Variants in STX8 observed in about 807,000 individuals in gnomAD.
STX8 encodes the protein syntaxin 8, also known as syntaxin-8.
A neutral mutation model predicts 37.5 loss-of-function variants in STX8; 23 were observed. The observed-to-expected ratio is 0.61, with a 90% CI of 0.44 to 0.87. The LOEUF (loss-of-function observed/expected upper bound fraction) is 0.87. Among genes scored for constraint, STX8 ranks in the 40% least tolerant of loss-of-function variants. The probability of loss-of-function intolerance (pLI) is 0.00; values close to 1 mark genes in which losing one functional copy is unlikely to be tolerated. For missense variants in STX8, 313 were observed against 284.7 expected (o/e 1.10, Z -0.71); for synonymous variants, 115 against 99.1 (o/e 1.16, Z -0.95).
chr17:9,327,728 T>G (rs1909826071), intron 7 of STX8, among the ~76,000 whole-genome samples: 1 of 152,144 alleles, frequency 6.6e-6, no homozygotes, highest in South Asian at 2.1e-4. Flanking sequence ...CAAGCTGCAG[T>G]GCAGTGGTGC....
At chr17:9,377,974 G>A (rs903891188) in intron 7 of STX8, 1 of 152,652 alleles carries the variant, frequency 6.6e-6, no homozygotes, top group African/African-American at 2.4e-5. Context: ...ACCTGCAGCA[G>A]AACTGCTTGG....
intron 7 of STX8, among the ~76,000 whole-genome samples, chr17:9,302,930 C>T (rs549793017): frequency 6.7e-6 from 1 of 149,246 alleles, no homozygotes; most frequent in South Asian, 2.1e-4. Flanking sequence ...TCTCAGAACT[C>T]ACAGAATTGG....
intron 7 of STX8, among the ~76,000 whole-genome samples, chr17:9,360,227 C>CTTTTTTTTTTTTTTTT (rs58213453): frequency 9.6e-5 from 7 of 72,610 alleles, no homozygotes; most frequent in African/African-American, 3.7e-4. Flanking sequence ...AATTAACCGT[C>CTTTTTTTTTTTTTTTT]TTTTTTTTTT....
intron 4 of STX8, 109 bp downstream of exon 4, chr17:9,545,063 T>C (rs1216998197): frequency 1.8e-5 from 12 of 675,362 alleles, no homozygotes; most frequent in East Asian, 7.9e-5. Flanking sequence ...CATAAATGAA[T>C]AGAATAGATT....
At chr17:9,495,908 A>C (rs1904380520) in intron 5 of STX8, among the ~76,000 whole-genome samples, 1 of 152,150 alleles carries the variant, frequency 6.6e-6, no homozygotes, top group South Asian at 2.1e-4. Context: ...AGAACCATGC[A>C]TGGGCATGGT....
At chr17:9,272,127 C>T (rs1057399781) in intron 7 of STX8, among the ~76,000 whole-genome samples, 5 of 152,304 alleles carry the variant, frequency 3.3e-5, no homozygotes, top group African/African-American at 9.6e-5. Flanking sequence ...TTGACAAAGA[C>T]GGTTCTGTTC....
chr17:9,382,171 TCACACACACA>T (rs57809204), intron 6 of STX8, among the ~76,000 whole-genome samples: 102 of 147,070 alleles, frequency 6.9e-4, no homozygotes, highest in African/African-American at 2.3e-3. Flanking sequence ...AAGAAAACAC[TCACACACACA>T]CACACACACA....
At chr17:9,266,280 A>G (rs545815835) in intron 7 of STX8, among the ~76,000 whole-genome samples, 28 of 152,316 alleles carry the variant, frequency 1.8e-4, no homozygotes, top group Admixed American at 7.8e-4. Flanking sequence ...GGGGTGCCCC[A>G]GCCAGCGCAC....
intron 7 of STX8, among the ~76,000 whole-genome samples, chr17:9,321,082 A>G (rs1474971499): frequency 6.6e-6 from 1 of 152,164 alleles, no homozygotes; most frequent in Non-Finnish European, 1.5e-5. Context: ...TCAGTGATAC[A>G]GGAAAAGGAA....
At chr17:9,460,689 C>A (rs8069025) in intron 6 of STX8, among the ~76,000 whole-genome samples, 34,205 of 96,660 alleles carry the variant, frequency 0.35, 5,065 homozygotes, top group African/African-American at 0.4. Context: ...AAAAAAAAAA[C>A]AAAACAAAAC....
intron 6 of STX8, among the ~76,000 whole-genome samples, chr17:9,437,331 G>C (rs1307239231): frequency 6.6e-6 from 1 of 152,130 alleles, no homozygotes; most frequent in Non-Finnish European, 1.5e-5. Flanking sequence ...TTAACAAGAG[G>C]ATTCACTCGT....
chr17:9,486,974 G>A (rs1031115216), intron 6 of STX8, among the ~76,000 whole-genome samples: 2 of 152,088 alleles, frequency 1.3e-5, no homozygotes, highest in Non-Finnish European at 2.9e-5. Context: ...ATGAGGGGAC[G>A]TCATCCACTC....
At chr17:9,492,304 C>T (rs908490907) in intron 5 of STX8, among the ~76,000 whole-genome samples, 6 of 152,054 alleles carry the variant, frequency 3.9e-5, no homozygotes, top group Non-Finnish European at 2.9e-5. Flanking sequence ...GTTTTAACAT[C>T]GCTACTAATT....
chr17:9,468,776 G>A (rs1470624392), intron 6 of STX8, among the ~76,000 whole-genome samples: 1 of 152,134 alleles, frequency 6.6e-6, no homozygotes, highest in Non-Finnish European at 1.5e-5. Context: ...GGGCATATAA[G>A]CCCAGCAATG....
chr17:9,538,226 C>T (rs1011055122), intron 4 of STX8, among the ~76,000 whole-genome samples: 5 of 152,156 alleles, frequency 3.3e-5, no homozygotes, highest in Non-Finnish European at 5.9e-5. Context: ...AAAGCTAGGA[C>T]GTCACTGTAT....
chr17:9,268,687 A>C (rs1411503333), intron 7 of STX8, among the ~76,000 whole-genome samples: 1 of 152,180 alleles, frequency 6.6e-6, no homozygotes, highest in Non-Finnish European at 1.5e-5. Context: ...GGCATTCCTA[A>C]GTAAAAACTC....
chr17:9,314,420 C>T (rs546937386), intron 7 of STX8, among the ~76,000 whole-genome samples: 95 of 152,054 alleles, frequency 6.2e-4, no homozygotes, highest in Non-Finnish European at 1.2e-3. Flanking sequence ...GTTTTTGAGA[C>T]GGAGTCTCAC....
intron 4 of STX8, among the ~76,000 whole-genome samples, chr17:9,526,499 G>C (rs1028570161): frequency 2.0e-5 from 3 of 151,990 alleles, no homozygotes; most frequent in Admixed American, 1.3e-4. Context: ...AGAGAAAGAG[G>C]GAGAAATAAC....
At chr17:9,292,476 GT>G (rs1362530265) in intron 7 of STX8, among the ~76,000 whole-genome samples, 2 of 152,168 alleles carry the variant, frequency 1.3e-5, no homozygotes, top group African/African-American at 2.4e-5. Context: ...TATTAAACTT[GT>G]CTCTTTCATA....
Sources: allele counts gnomAD v4.1 joint callset (sites outside exome capture counted in the v4.1 genomes callset), GRCh38; gene constraint gnomAD v4.1.1; transcripts MANE v1.5; gene names NCBI Gene and HGNC (gene_info 2026-07-23, HGNC 2026-07-21).